Variants in CRACD observed in about 807,000 individuals in gnomAD.
CRACD encodes capping protein-inhibiting regulator of actin dynamics.
Under a neutral mutation model 106.8 loss-of-function variants are expected in CRACD, and 56 were observed. The ratio of observed to expected loss-of-function variants is 0.52; its 90% CI spans 0.42 to 0.66. CRACD has a LOEUF of 0.66. CRACD is among the 30% of genes least tolerant of loss of function. The pLI is 0.00. For missense variants in CRACD, 1,730 were observed against 1,623.2 expected, an observed-to-expected ratio of 1.07 and a Z score of -1.13; for synonymous variants, 754 against 670.8, an observed-to-expected ratio of 1.12 and a Z score of -1.92.
chr4:56,106,087 C>A (rs1444799485), intron 1 of CRACD, among the ~76,000 whole-genome samples: 3 of 152,264 alleles, frequency 2.0e-5, no homozygotes, highest in African/African-American at 7.2e-5. Flanking sequence ...CTTCCAGGCG[C>A]AGGTGAAAGG....
chr4:56,291,575 G>A lies in CRACD; in HGVS notation c.-16-6639G>A, dbSNP rs571338706. On this transcript the variant is annotated intron_variant, in intron 3 of 10. Transcript: ENST00000682029. The stretch of plus-strand genomic sequence containing the variant: ...AACAGGAAATAATCTACATTGTAGA[G>A]TTGTTTGGAGCTGGAACTGGTAACC... 1.4e-3 allele frequency among the ~76,000 whole-genome samples: 219 copies of A among 152,282 alleles called. 1 individual carries two copies. The highest frequency in any genetic ancestry group is 5.0e-3 in the African/African-American group (208 of 41,558).
At chr4:56,291,284 A>G (rs1743688065) in intron 3 of CRACD, among the ~76,000 whole-genome samples, 2 of 152,206 alleles carry the variant, frequency 1.3e-5, no homozygotes, top group Admixed American at 1.3e-4. Flanking sequence ...ATCAACTGCG[A>G]AAGGTCTTTA....
intron 1 of CRACD, among the ~76,000 whole-genome samples, chr4:56,051,849 T>C (rs1731886959): frequency 1.3e-5 from 2 of 152,230 alleles, no homozygotes; most frequent in Admixed American, 6.5e-5. Flanking sequence ...TACTGGCTAC[T>C]AGCTCTGCAT....
intron 1 of CRACD, among the ~76,000 whole-genome samples, chr4:56,169,494 T>C (rs904262456): frequency 6.6e-6 from 1 of 152,052 alleles, no homozygotes; most frequent in Non-Finnish European, 1.5e-5. Flanking sequence ...AGAGTTTCCT[T>C]TAAGTGTATT....
Position 56,238,440 on chromosome 4 carries a change from G to A in CRACD, c.-188-33881G>A, listed in dbSNP as rs112387935. On this transcript the variant is annotated intron_variant, in intron 2 of 10. Transcript: ENST00000682029. ...TAGAGCTGCAGGTGGAAGCATTGTC[G>A]CCTTTTCTAACTTAGCCTTGGAAAC... Among the ~76,000 whole-genome samples the A allele has an allele frequency of 1.1e-3, 170 of 152,274 alleles. 1 individual carries two copies. Among genetic ancestry groups the A allele is most frequent in the African/African-American group, 4.0e-3 (168 of 41,552 alleles).
chr4:56,241,986 T>C (rs916966988), intron 2 of CRACD, among the ~76,000 whole-genome samples: 6 of 152,188 alleles, frequency 3.9e-5, no homozygotes, highest in African/African-American at 1.2e-4. Flanking sequence ...AGAGGCCTTA[T>C]AGATTGTTAA....
rs1012219960 is a variant in CRACD, at chr4:56,200,516, A to G, written c.-189+21086A>G. On this transcript the variant is annotated intron_variant, in intron 2 of 10. Transcript: ENST00000682029. Reference sequence around the variant, plus strand: ...AGAAGTTTTTTAATATGCGACACTCATTTCACTGATGCTTTAAGAAGCCAC... The same window carrying G: ...AGAAGTTTTTTAATATGCGACACTCGTTTCACTGATGCTTTAAGAAGCCAC... Among the ~76,000 whole-genome samples, 13 of 152,258 alleles carry G rather than the reference A, an allele frequency of 8.5e-5. 1 individual carries two copies. The South Asian group carries it at 2.7e-3, about 32-fold the overall frequency.
At chr4:56,071,774 G>A (rs1386956011) in intron 1 of CRACD, among the ~76,000 whole-genome samples, 1 of 150,868 alleles carries the variant, frequency 6.6e-6, no homozygotes, top group Non-Finnish European at 1.5e-5. Context: ...GCCTCCCAAA[G>A]TACTGGGATT....
chr4:56,158,561 G>T (rs1196902234), intron 1 of CRACD, among the ~76,000 whole-genome samples: 1 of 152,142 alleles, frequency 6.6e-6, no homozygotes, highest in Non-Finnish European at 1.5e-5. Flanking sequence ...TGAGTATTTT[G>T]TAGACGGTGA....
intron 2 of CRACD, among the ~76,000 whole-genome samples, chr4:56,217,384 A>C (rs1738760844): frequency 6.6e-6 from 1 of 152,028 alleles, no homozygotes; most frequent in South Asian, 2.1e-4. Flanking sequence ...ATAAGATATC[A>C]ATCAATACAT....
At chr4:56,323,356 T>C (rs2109797860) in intron 8 of CRACD, 21 bp from the exon 9 acceptor site, 1 of 1,583,236 alleles carries the variant, frequency 6.3e-7, no homozygotes, top group Non-Finnish European at 8.5e-7. Flanking sequence ...TGCAAACCGT[T>C]CTTTGTCTTA....
At chr4:56,255,769 G>GA (rs1174181257) in intron 2 of CRACD, among the ~76,000 whole-genome samples, 1 of 152,104 alleles carries the variant, frequency 6.6e-6, no homozygotes, top group East Asian at 1.9e-4. Flanking sequence ...CTTTTAACCA[G>GA]AAAAAAAGCA....
At chr4:56,229,328 C>T (rs187962209) in intron 2 of CRACD, among the ~76,000 whole-genome samples, 50 of 152,196 alleles carry the variant, frequency 3.3e-4, no homozygotes, top group East Asian at 1.9e-3. Flanking sequence ...CCATCTCTTC[C>T]GCTCTTCGAG....
chr4:56,315,324 GTCA>G lies in CRACD; in HGVS notation c.1823_1825del (p.Val608_Asn609delinsAsp). On this transcript the variant is annotated inframe_deletion, in exon 8 of 11. Transcript: ENST00000682029. This position sits in a 1 kb window ranked among gnomAD's most constrained non-coding sequence, Gnocchi z 4.1. Reference sequence around the variant, plus strand: ...GGGCGCGCAGCTCTGTGGCCCGGCAGTCAACCTGAGCCAGATCAAGGACACCGC... The same window carrying G: ...GGGCGCGCAGCTCTGTGGCCCGGCAGACCTGAGCCAGATCAAGGACACCGC... 5 of 1,613,954 alleles carry G rather than the reference GTCA, an allele frequency of 3.1e-6. No homozygotes were observed. The highest frequency in any genetic ancestry group is 4.2e-6 in the Non-Finnish European group (5 of 1,179,972).
intron 7 of CRACD, 22 bp downstream of exon 7, chr4:56,313,401 T>C: frequency 6.3e-7 from 1 of 1,598,224 alleles, no homozygotes; most frequent in Non-Finnish European, 8.5e-7. Flanking sequence ...CTGCACGGGC[T>C]GACCAGGCAG....
chr4:56,231,638 A>C (rs1018248800), intron 2 of CRACD, among the ~76,000 whole-genome samples: 25 of 152,238 alleles, frequency 1.6e-4, no homozygotes, highest in African/African-American at 5.8e-4. Context: ...AGGAATGCAA[A>C]GTAGCAATGG....
intron 1 of CRACD, among the ~76,000 whole-genome samples, chr4:56,115,525 C>A (rs1278699880): frequency 6.6e-6 from 1 of 152,046 alleles, no homozygotes; most frequent in Non-Finnish European, 1.5e-5. Context: ...ATTTAAAAAT[C>A]AAAATTCTCC....
At chr4:56,054,352 T>C (rs959844778) in intron 1 of CRACD, among the ~76,000 whole-genome samples, 1 of 152,022 alleles carries the variant, frequency 6.6e-6, no homozygotes, top group African/African-American at 2.4e-5. Flanking sequence ...GGTTAATTAT[T>C]TTTTGTAGAG....
intron 1 of CRACD, among the ~76,000 whole-genome samples, chr4:56,164,811 A>G (rs1736081531): frequency 6.6e-6 from 1 of 152,236 alleles, no homozygotes; most frequent in Non-Finnish European, 1.5e-5. Context: ...AGCCTGATCA[A>G]AACTGTTATA....
Sources: gnomAD v4.1 joint callset for allele counts (sites outside exome capture counted in the v4.1 genomes callset) on GRCh38, gnomAD v4.1.1 for gene constraint, Gnocchi (gnomAD v3.1) non-coding constraint, MANE v1.5 for transcripts, NCBI Gene and HGNC (gene_info 2026-07-23, HGNC 2026-07-21) for gene names.